LRRC49: variants seen among roughly 807,000 people sequenced by gnomAD.
The protein encoded by LRRC49 is leucine rich repeat containing 49.
LRRC49 carries 50 observed loss-of-function variants against 83.3 expected under a neutral mutation model. The ratio of observed to expected loss-of-function variants is 0.60; its 90% confidence interval spans 0.48 to 0.76. The LOEUF (loss-of-function observed/expected upper bound fraction) is 0.76, where lower values mean the gene tolerates loss of function less well. Ranked by LOEUF, LRRC49 falls within the 30% of genes least tolerant of loss-of-function variation. LRRC49 has a pLI of 0.00. For synonymous variants in LRRC49, 286 were observed against 283.3 expected (o/e 1.01, Z -0.10); for missense variants, 704 against 809.1 (o/e 0.87, Z 1.58).
intron 9 of LRRC49, among the ~76,000 whole-genome samples, chr15:70,968,071 G>T (rs2036854572): frequency 6.6e-6 from 1 of 151,934 alleles, no homozygotes; most frequent in Non-Finnish European, 1.5e-5. Context: ...CAGGTGCCAT[G>T]GTGGTTTGCT....
chr15:71,045,346 T>C (rs1322108473), intron 15 of LRRC49, among the ~76,000 whole-genome samples: 1 of 152,254 alleles, frequency 6.6e-6, no homozygotes, highest in East Asian at 1.9e-4. Context: ...ATTAGCATCG[T>C]ACCATACAGT....
intron 11 of LRRC49, among the ~76,000 whole-genome samples, chr15:71,003,934 C>G (rs1387890341): frequency 6.6e-6 from 1 of 152,128 alleles, no homozygotes; most frequent in Non-Finnish European, 1.5e-5. Context: ...CTACATTCAG[C>G]CTCTCCCTAC....
intron 15 of LRRC49, among the ~76,000 whole-genome samples, chr15:71,042,825 C>T (rs1406126521): frequency 6.6e-6 from 1 of 152,106 alleles, no homozygotes; most frequent in Non-Finnish European, 1.5e-5. Context: ...GAATCTAATG[C>T]TATTCTTAGA....
intron 4 of LRRC49, among the ~76,000 whole-genome samples, chr15:70,904,320 A>G (rs1448393879): frequency 6.6e-6 from 1 of 152,218 alleles, no homozygotes; most frequent in Non-Finnish European, 1.5e-5. Context: ...TTTTAAATAC[A>G]ATGAGACCTT....
At chr15:70,957,107 T>A (rs1445071238) in intron 8 of LRRC49, among the ~76,000 whole-genome samples, 1 of 152,214 alleles carries the variant, frequency 6.6e-6, no homozygotes, top group East Asian at 1.9e-4. Flanking sequence ...TACTGTTTAG[T>A]TTTGTGTGTG....
upstream of LRRC49, chr15:70,892,125 G>GACCGCT: frequency 6.2e-7 from 1 of 1,613,858 alleles, no homozygotes. Flanking sequence ...ATGACCGAGC[G>GACCGCT]GTCATTGCCT....
At chr15:70,983,262 G>A (rs1172856249) in intron 10 of LRRC49, among the ~76,000 whole-genome samples, 1 of 151,970 alleles carries the variant, frequency 6.6e-6, no homozygotes, top group African/African-American at 2.4e-5. Context: ...TTTTTCACAA[G>A]AGGGTTTCTA....
At chr15:70,975,783 A>T (rs879653178) in intron 9 of LRRC49, among the ~76,000 whole-genome samples, 6 of 152,138 alleles carry the variant, frequency 3.9e-5, no homozygotes, top group Non-Finnish European at 5.9e-5. Context: ...GAACTTGTTT[A>T]CAATTTGCTC....
At chr15:71,020,073 A>T (rs1341950786) in intron 14 of LRRC49, among the ~76,000 whole-genome samples, 2 of 152,336 alleles carry the variant, frequency 1.3e-5, no homozygotes, top group Admixed American at 1.3e-4. Flanking sequence ...GATATACAAG[A>T]TAAGCATGAA....
At chr15:70,982,611 G>T (rs991757795) in intron 10 of LRRC49, among the ~76,000 whole-genome samples, 1 of 151,976 alleles carries the variant, frequency 6.6e-6, no homozygotes, top group Non-Finnish European at 1.5e-5. Flanking sequence ...AGAAAGCCAG[G>T]CCCAAAACAT....
chr15:70,919,413 A>G (rs1189966408), intron 7 of LRRC49, among the ~76,000 whole-genome samples: 4 of 152,236 alleles, frequency 2.6e-5, no homozygotes, highest in Non-Finnish European at 1.5e-5. Flanking sequence ...TAGAAACACA[A>G]CAGAAGTGTT....
intron 14 of LRRC49, among the ~76,000 whole-genome samples, chr15:71,015,312 G>T (rs1345978957): frequency 6.6e-6 from 1 of 152,216 alleles, no homozygotes; most frequent in Non-Finnish European, 1.5e-5. Flanking sequence ...ACCAGGGACT[G>T]GTTTCGTGAC....
chr15:71,012,149 A>G (rs76992481), intron 13 of LRRC49, among the ~76,000 whole-genome samples: 287 of 152,320 alleles, frequency 1.9e-3, no homozygotes, highest in Non-Finnish European at 3.6e-3. Flanking sequence ...CAGTATTTAA[A>G]ATGTAAGCAA....
intron 3 of LRRC49, among the ~76,000 whole-genome samples, chr15:70,896,513 G>A (rs1268682352): frequency 6.6e-6 from 1 of 152,086 alleles, no homozygotes; most frequent in African/African-American, 2.4e-5. Flanking sequence ...TGAGGTATAT[G>A]GTTTGTGGGT....
intron 11 of LRRC49, among the ~76,000 whole-genome samples, chr15:70,987,779 A>G (rs1211835485): frequency 2.6e-5 from 4 of 152,198 alleles, no homozygotes; most frequent in East Asian, 1.9e-4. Flanking sequence ...ATTTAGTGCT[A>G]TAAGTTTCCC....
intron 1 of LRRC49, among the ~76,000 whole-genome samples, chr15:70,855,355 GA>G (rs375399739): frequency 1.4e-4 from 21 of 145,518 alleles, no homozygotes; most frequent in African/African-American, 4.3e-4. Flanking sequence ...AAAAGAAAAA[GA>G]AAAAAAAAGA....
intron 1 of LRRC49, among the ~76,000 whole-genome samples, chr15:70,867,786 C>T (rs929108819): frequency 2.0e-5 from 3 of 152,144 alleles, no homozygotes; most frequent in African/African-American, 7.2e-5. Context: ...ACTTTTGCTC[C>T]CCAATTTTCT....
At chr15:70,957,343 T>C (rs2141188338) in intron 8 of LRRC49, among the ~76,000 whole-genome samples, 1 of 152,350 alleles carries the variant, frequency 6.6e-6, no homozygotes, top group African/African-American at 2.4e-5. Flanking sequence ...TTCCAGCTTG[T>C]CTATGCTTTT....
At chr15:70,940,742 T>C (rs1567061709) in intron 8 of LRRC49, among the ~76,000 whole-genome samples, 1 of 152,228 alleles carries the variant, frequency 6.6e-6, no homozygotes, top group Non-Finnish European at 1.5e-5. Flanking sequence ...TAACCAATGA[T>C]ATGCAAATCT....
Sources: gnomAD v4.1 joint callset for allele counts (sites outside exome capture counted in the v4.1 genomes callset) on GRCh38, gnomAD v4.1.1 for gene constraint, MANE v1.5 for transcripts, NCBI Gene and HGNC (gene_info 2026-07-23, HGNC 2026-07-21) for gene names.